Variants in KIF24 observed in about 807,000 individuals in gnomAD.
KIF24 encodes kinesin family member 24.
A neutral mutation model predicts 118.9 loss-of-function variants in KIF24; 81 were observed. That is an observed-to-expected ratio of 0.68 (90% CI 0.57 to 0.82). The LOEUF (loss-of-function observed/expected upper bound fraction) is 0.82. Among genes scored for constraint, KIF24 ranks in the 40% least tolerant of loss-of-function variants. KIF24 has a pLI of 0.00. For missense variants in KIF24, 1,560 were observed against 1,661.6 expected (o/e 0.94, Z 1.06); for synonymous variants, 599 against 610.0 (o/e 0.98, Z 0.27).
At chr9:34,321,818 G>C (rs970885554) in intron 1 of KIF24, among the ~76,000 whole-genome samples, 14 of 151,866 alleles carry the variant, frequency 9.2e-5, no homozygotes, top group African/African-American at 2.9e-4. Flanking sequence ...TGTTGCCCAG[G>C]CTGGTCTGGA....
At position 34,299,225 on chromosome 9, in the gene KIF24, G is replaced by T. The variant is rs187319200; in HGVS notation, c.814-2111C>A. Among the ~76,000 whole-genome samples the T allele has an allele frequency of 8.0e-4, 122 of 151,840 alleles. 1 individual carries two copies. Among genetic ancestry groups the T allele is most frequent in the Admixed American group, 7.9e-3 (120 of 15,226 alleles). Reference sequence around the variant, plus strand: ...AGATGGAGTCTCACTCTGTTGCCCAGGCTGGAGTGCAGTGGCATGATCTTG... The same window carrying T: ...AGATGGAGTCTCACTCTGTTGCCCATGCTGGAGTGCAGTGGCATGATCTTG... On this transcript the variant is annotated intron_variant, in intron 3 of 12. Transcript: ENST00000402558.
At chr9:34,333,213 CAG>C (rs1837994122), upstream of KIF24, among the ~76,000 whole-genome samples, 1 of 152,204 alleles carries the variant, frequency 6.6e-6, no homozygotes, top group South Asian at 2.1e-4. Context: ...ACCCCTCCTT[CAG>C]AGTCTTCTTC....
At chr9:34,306,627 C>T (rs1169561869) in intron 2 of KIF24, among the ~76,000 whole-genome samples, 186 bp from the exon 3 acceptor site, 3 of 151,970 alleles carry the variant, frequency 2.0e-5, no homozygotes, top group Admixed American at 2.0e-4. Flanking sequence ...ACGGTGAAAC[C>T]CCATCTCTAC....
At position 34,306,268 on chromosome 9, in the gene KIF24, G is replaced by A; in HGVS notation, c.797C>T (p.Thr266Ile). Residue 266 changes from threonine (T) to isoleucine (I), a missense_variant, in exon 3 of 13, where the codon ACT becomes ATT. Coordinates refer to ENST00000402558, the MANE Select transcript of KIF24 (RefSeq NM_194313.4). ...ACATCATACCTGCAGAATATATTGA[G>A]TGAGGTCAACTGCTTCTTTCTTCTC... ...VHEKKEAVDL[T>I]QYILQHVFYF... is the part of the protein sequence containing the mutation. The A allele has an allele frequency of 6.3e-7, 1 of 1,599,298 alleles. No individual in the cohort carries two copies. Among genetic ancestry groups the A allele is most frequent in the Non-Finnish European group, 8.5e-7 (1 of 1,172,022 alleles).
chr9:34,282,824 G>C (rs751535948), intron 6 of KIF24, among the ~76,000 whole-genome samples: 26 of 151,936 alleles, frequency 1.7e-4, no homozygotes, highest in Non-Finnish European at 3.4e-4. Flanking sequence ...GGCCAAGGCT[G>C]GTGGATCACT....
chr9:34,290,356 T>C lies in KIF24; in HGVS notation c.945A>G (p.Thr315=). 1.2e-6 allele frequency: 2 copies of C among 1,612,398 alleles called. No homozygotes were observed. The highest frequency in any genetic ancestry group is 1.7e-6 in the Non-Finnish European group (2 of 1,178,842). ...TCATGGTGTAGGTCTTTCCAGCACC[T>C]GTCTGTCCATAAGCAAAGCAAGTGG... ...GNATCFAYGQ[T]GAGKTYTMIG... Residue 315 remains threonine, a synonymous_variant, in exon 5 of 13, where the codon ACA becomes ACG. Coordinates refer to ENST00000402558, the MANE Select transcript of KIF24 (RefSeq NM_194313.4).
intron 6 of KIF24, among the ~76,000 whole-genome samples, chr9:34,285,548 G>A (rs556950409): frequency 1.3e-5 from 2 of 152,188 alleles, no homozygotes; most frequent in South Asian, 4.2e-4. Flanking sequence ...GCCAAGGTGG[G>A]CGGATCATGA....
At position 34,257,057 on chromosome 9, in the gene KIF24, A is replaced by G. The variant is rs1194972735; in HGVS notation, c.2550T>C (p.Asn850=). ...GGTGCAGGAAGAATGAGTCTTCGCTATTCTCCAGGGTGTTCCTTTGCTTTG... is the reference window on the plus strand; with the variant it reads ...GGTGCAGGAAGAATGAGTCTTCGCTGTTCTCCAGGGTGTTCCTTTGCTTTG... The part of the protein sequence containing the change: ...RATKQRNTLE[N]SEDSFFLHQT... Residue 850 remains asparagine, a synonymous_variant, in exon 11 of 13, where the codon AAT becomes AAC. Transcript: ENST00000402558. 5 of 1,613,894 alleles carry G rather than the reference A, an allele frequency of 3.1e-6. No individual in the cohort carries two copies. Among genetic ancestry groups the G allele is most frequent in the Admixed American group, 1.7e-5 (1 of 60,002 alleles).
chr9:34,300,427 G>A (rs1836654913), intron 3 of KIF24, among the ~76,000 whole-genome samples: 1 of 151,038 alleles, frequency 6.6e-6, no homozygotes, highest in Non-Finnish European at 1.5e-5. Context: ...GGAGTGCAGT[G>A]GCGTGATCTT....
At chr9:34,266,690 AAAAAAG>A (rs1160505652) in intron 8 of KIF24, among the ~76,000 whole-genome samples, 1 of 150,168 alleles carries the variant, frequency 6.7e-6, no homozygotes, top group Non-Finnish European at 1.5e-5. Context: ...AAAAAAAAAA[AAAAAAG>A]AAAGAAAAAG....
At position 34,256,152 on chromosome 9, in the gene KIF24, TCTCCTAGGTCTGC is replaced by T. The variant is rs1834828651; in HGVS notation, c.3442_3454del (p.Ala1148ArgfsTer112). ...TACAGTCTCTCTGCTCTGGCAGGCC[TCTCCTAGGTCTGC>T]CTCCCTGCTGGGCAGCTTGTCAGCT... is the stretch of plus-strand genomic sequence containing the variant. On this transcript the variant is annotated frameshift_variant, in exon 11 of 13. Transcript: ENST00000402558. LOFTEE classifies it high-confidence loss of function. The T allele has an allele frequency of 1.2e-6, 2 of 1,605,372 alleles. No individual in the cohort carries two copies. Among genetic ancestry groups the T allele is most frequent in the Admixed American group, 1.7e-5 (1 of 59,646 alleles).
chr9:34,306,484 C>G, intron 2 of KIF24, 43 bp from the exon 3 acceptor site: 2 of 1,331,172 alleles, frequency 1.5e-6, no homozygotes, highest in African/African-American at 1.5e-5. Flanking sequence ...AATAATAGGA[C>G]AAGATTACTT....
chr9:34,318,623 G>A lies in KIF24; in HGVS notation c.-25-7252C>T. 1 of 1,523,690 alleles carries A rather than the reference G, an allele frequency of 6.6e-7. No individual in the cohort carries two copies. The highest frequency in any genetic ancestry group is 1.2e-5 in the South Asian group (1 of 86,898). 94.4% of individuals were successfully genotyped at this position (1,523,690 alleles called of 1,614,324 possible). ...GAACATCCTGGTGTCGCCCGTGGTG[G>A]TGGCCTCGTCGTTGGGGCTCGTGTC... On this transcript the variant is annotated intron_variant, in intron 1 of 12. Coordinates refer to ENST00000402558, the MANE Select transcript of KIF24 (RefSeq NM_194313.4). The surrounding 1 kb of genome is among the most constrained non-coding windows in gnomAD (Gnocchi z 4.9).
chr9:34,318,973 G>T lies in KIF24; in HGVS notation c.-25-7602C>A. On this transcript the variant is annotated intron_variant, in intron 1 of 12. Transcript: ENST00000402558. The surrounding 1 kb of genome is among the most constrained non-coding windows in gnomAD (Gnocchi z 4.9). Reference sequence around the variant, plus strand: ...ACGGCAAGCTGCCCAAGGTCACCAAGGACATGGAGTGCATGGATGGCGCCC... The same window carrying T: ...ACGGCAAGCTGCCCAAGGTCACCAATGACATGGAGTGCATGGATGGCGCCC... 1 of 1,364,232 alleles carries T rather than the reference G, an allele frequency of 7.3e-7. No individual in the cohort carries two copies. The allele number at this position is 1,364,232 out of a possible 1,614,324, so 84.5% of individuals were successfully genotyped here.
rs1834724309 is a variant in KIF24, at chr9:34,254,203, C to T, written c.*177G>A. On this transcript the variant is annotated 3_prime_UTR_variant, in exon 13 of 13. Transcript: ENST00000402558. ...GGAACTGAGGGACAGGGGCCTGTCC[C>T]TGAGGGAGAAGCTGGGACCTATCTG... The T allele has an allele frequency of 6.9e-6, 4 of 575,600 alleles. No homozygotes were observed. The highest frequency in any genetic ancestry group is 1.1e-5 in the Non-Finnish European group (4 of 348,508). 35.7% of individuals were successfully genotyped at this position (575,600 alleles called of 1,614,324 possible).
chr9:34,275,991 A>T (rs1269235009), intron 6 of KIF24, among the ~76,000 whole-genome samples: 1 of 152,222 alleles, frequency 6.6e-6, no homozygotes, highest in Non-Finnish European at 1.5e-5. Flanking sequence ...ATTCATAGTC[A>T]AACATCTGCT....
In KIF24 at chr9:34,256,249, CA is replaced by C. The variant is rs761484495; in HGVS notation, c.3357del (p.Asp1120IlefsTer31). ...TRHLWLSSSPPDNKPGGDLPA... is the reference protein window; with the variant it reads ...TRHLWLSSSPXDNKPGGDLPA... Reference sequence around the variant, plus strand: ...GGAAGATCACCACCAGGCTTATTATCAGGGGGAGATGAGGACAGCCACAGGT... The same window carrying C: ...GGAAGATCACCACCAGGCTTATTATCGGGGGAGATGAGGACAGCCACAGGT... On this transcript the variant is annotated frameshift_variant, in exon 11 of 13. Transcript: ENST00000402558. LOFTEE classifies it high-confidence loss of function. 12 of 1,604,994 alleles carry C rather than the reference CA, an allele frequency of 7.5e-6. No homozygotes were observed. Among genetic ancestry groups the C allele is most frequent in the Admixed American group, 1.7e-5 (1 of 59,358 alleles).
At chr9:34,297,759 T>TA (rs879897804) in intron 3 of KIF24, among the ~76,000 whole-genome samples, 5,389 of 131,100 alleles carry the variant, frequency 0.041, 138 homozygotes, top group Non-Finnish European at 0.062. Context: ...GAGATTCCAT[T>TA]TAAAAAAAAA....
At chr9:34,329,278 G>C (rs906554081), upstream of KIF24, among the ~76,000 whole-genome samples, 4 of 152,238 alleles carry the variant, frequency 2.6e-5, no homozygotes, top group African/African-American at 9.6e-5. Flanking sequence ...CGCCCGCGCT[G>C]TGGCCCGCGC....
Sources: allele counts gnomAD v4.1 joint callset (sites outside exome capture counted in the v4.1 genomes callset), GRCh38; gene constraint gnomAD v4.1.1; non-coding constraint Gnocchi (gnomAD v3.1); transcripts MANE v1.5; gene names NCBI Gene and HGNC (gene_info 2026-07-23, HGNC 2026-07-21).